Variants in STRBP observed in about 807,000 individuals in gnomAD.
STRBP encodes the protein spermatid perinuclear RNA-binding protein.
Under a neutral mutation model 80.1 loss-of-function variants are expected in STRBP, and 13 were observed. The ratio of observed to expected loss-of-function variants is 0.16; its 90% CI spans 0.11 to 0.26. The LOEUF is 0.26. Ranked by LOEUF, STRBP falls within the 10% of genes least tolerant of loss-of-function variation. The pLI is 1.00. For synonymous variants in STRBP, 284 were observed against 291.2 expected (o/e 0.98, Z 0.25); for missense variants, 485 against 815.2 (o/e 0.59, Z 4.93).
In STRBP at chr9:123,123,141, T is replaced by C. The variant is rs1218553233; in HGVS notation, c.*2456A>G. 1.0e-6 allele frequency: 1 copy of C among 985,214 alleles called. No homozygotes were observed. The allele number at this position is 985,214 out of a possible 1,614,324, so 61.0% of individuals were successfully genotyped here. A position where few individuals can be genotyped will look rare whatever the true frequency, so the allele number is the denominator to read the frequency against. ...GTTCTAGAAGTCAGAGAAGAAATCT[T>C]GAGGGCCCAAGTGAATAATAAATGG... On this transcript the variant is annotated 3_prime_UTR_variant, in exon 19 of 19. Transcript: ENST00000348403.
chr9:123,139,782 T>A (rs1052658569), intron 13 of STRBP, 95 bp from the exon 14 acceptor site: 26 of 1,315,860 alleles, frequency 2.0e-5, no homozygotes, highest in Non-Finnish European at 2.5e-5. Flanking sequence ...TCCATAGTGT[T>A]TGAACCATAA....
At chr9:123,148,235 G>A (rs2036903045) in intron 11 of STRBP, among the ~76,000 whole-genome samples, 2 of 152,132 alleles carry the variant, frequency 1.3e-5, no homozygotes, top group Admixed American at 6.5e-5. Flanking sequence ...GGTTATGAGG[G>A]TGGAGCCCTT....
At chr9:123,219,738 G>C (rs1269810233) in intron 2 of STRBP, among the ~76,000 whole-genome samples, 1 of 152,186 alleles carries the variant, frequency 6.6e-6, no homozygotes, top group African/African-American at 2.4e-5. Flanking sequence ...CTGTGTGAAA[G>C]GGACAAGTTA....
chr9:123,133,003 A>G (rs764902909), intron 16 of STRBP, 35 bp from the exon 17 acceptor site: 3 of 1,605,860 alleles, frequency 1.9e-6, no homozygotes, highest in Non-Finnish European at 2.6e-6. Flanking sequence ...ACTGAAAGAA[A>G]TAAGAACCAT....
intron 2 of STRBP, among the ~76,000 whole-genome samples, chr9:123,210,783 C>T (rs574988986): frequency 2.0e-5 from 3 of 151,116 alleles, no homozygotes; most frequent in Non-Finnish European, 4.4e-5. Flanking sequence ...GAGCCAAGAT[C>T]GTGCCACTGC....
chr9:123,259,942 A>G (rs539247568), intron 1 of STRBP, among the ~76,000 whole-genome samples: 1 of 152,346 alleles, frequency 6.6e-6, no homozygotes, highest in East Asian at 1.9e-4. Context: ...CGTAGTCTTG[A>G]CAGGTACAGT....
rs71390418 is a variant in STRBP, at chr9:123,200,734, A to ATTTTTTT, written c.-164-16443_-164-16437dup. Among the ~76,000 whole-genome samples the ATTTTTTT allele has an allele frequency of 5.7e-3, 214 of 37,508 alleles. 84 individuals carry two copies. Among genetic ancestry groups the ATTTTTTT allele is most frequent in the Middle Eastern group, 0.071 (2 of 28 alleles). The allele number at this position is 37,508 out of a possible 152,430, so 24.6% of individuals were successfully genotyped here. A position where few individuals can be genotyped will look rare whatever the true frequency, so the allele number is the denominator to read the frequency against. ...AGGCGCCCCGCCACACACCCCGCTA[A>ATTTTTTT]TTTTTTTTTTTTTTTTTTTTTTTTT... On this transcript the variant is annotated intron_variant, in intron 2 of 18. Transcript: ENST00000348403.
chr9:123,181,941 C>T (rs2038483153), intron 3 of STRBP, among the ~76,000 whole-genome samples: 1 of 150,810 alleles, frequency 6.6e-6, no homozygotes, highest in African/African-American at 2.4e-5. Context: ...TCAGACTGGG[C>T]ACAGTGGCTC....
chr9:123,219,451 A>T (rs1053323590), intron 2 of STRBP, among the ~76,000 whole-genome samples: 5 of 152,224 alleles, frequency 3.3e-5, no homozygotes, highest in Non-Finnish European at 7.3e-5. Flanking sequence ...ACCACAGGCT[A>T]TCACCATTTT....
intron 1 of STRBP, among the ~76,000 whole-genome samples, chr9:123,256,217 T>C (rs1453299775): frequency 6.6e-6 from 1 of 151,778 alleles, no homozygotes; most frequent in African/African-American, 2.4e-5. Flanking sequence ...TGTGGTCTCA[T>C]TATGTTGTCC....
chr9:123,163,002 G>A lies in STRBP; in HGVS notation c.536-1934C>T, dbSNP rs115396333. ...GTTTACATTCTCTTAAAAGTTAGAC[G>A]TAACAAAGGTTGACTAACTACTAAG... On this transcript the variant is annotated intron_variant, in intron 6 of 18. Transcript: ENST00000348403. 6.0e-3 allele frequency among the ~76,000 whole-genome samples: 910 copies of A among 152,272 alleles called. 13 individuals carry two copies. The highest frequency in any genetic ancestry group is 0.017 in the African/African-American group (711 of 41,552).
chr9:123,235,219 T>C (rs2040520535), intron 2 of STRBP, among the ~76,000 whole-genome samples: 1 of 151,826 alleles, frequency 6.6e-6, no homozygotes, highest in Admixed American at 6.6e-5. Flanking sequence ...AGGCCAAAAT[T>C]TTGCATGTAA....
chr9:123,121,358 C>T (rs1223422272), downstream of STRBP: 1 of 152,164 alleles, frequency 6.6e-6, no homozygotes, highest in African/African-American at 2.4e-5. Flanking sequence ...ATGGGACACA[C>T]CTAAATGAAG....
intron 13 of STRBP, among the ~76,000 whole-genome samples, chr9:123,146,273 T>C (rs2036810563): frequency 6.6e-6 from 1 of 152,034 alleles, no homozygotes; most frequent in Admixed American, 6.6e-5. Context: ...TCCTGGATAT[T>C]ATTCCCGATG....
intron 2 of STRBP, among the ~76,000 whole-genome samples, chr9:123,207,963 T>A (rs1204166034): frequency 6.6e-6 from 1 of 152,202 alleles, no homozygotes; most frequent in Non-Finnish European, 1.5e-5. Context: ...GTAAGATACG[T>A]AGAAACAAAA....
chr9:123,240,928 C>T (rs2040680427), intron 1 of STRBP, among the ~76,000 whole-genome samples: 1 of 152,150 alleles, frequency 6.6e-6, no homozygotes, highest in South Asian at 2.1e-4. Context: ...ACCTGTAATC[C>T]CAGCACTTTG....
chr9:123,241,479 A>T (rs1430219316), intron 1 of STRBP, among the ~76,000 whole-genome samples: 1 of 152,112 alleles, frequency 6.6e-6, no homozygotes, highest in African/African-American at 2.4e-5. Context: ...ACTGCACTCC[A>T]GCCAGGGTAA....
At chr9:123,261,391 T>C (rs1226538357) in intron 1 of STRBP, among the ~76,000 whole-genome samples, 2 of 152,224 alleles carry the variant, frequency 1.3e-5, no homozygotes, top group African/African-American at 4.8e-5. Context: ...TCTGACAGTC[T>C]GCCAATCTCT....
At chr9:123,176,718 C>A (rs904301907) in intron 4 of STRBP, among the ~76,000 whole-genome samples, 2 of 152,128 alleles carry the variant, frequency 1.3e-5, no homozygotes, top group Non-Finnish European at 1.5e-5. Flanking sequence ...AGGTAGAAGA[C>A]AGCATGATTG....
Sources: gnomAD v4.1 joint callset for allele counts (sites outside exome capture counted in the v4.1 genomes callset) on GRCh38, gnomAD v4.1.1 for gene constraint, MANE v1.5 for transcripts, NCBI Gene and HGNC (gene_info 2026-07-23, HGNC 2026-07-21) for gene names.